Variants in FGGY observed in about 807,000 individuals in gnomAD.
FGGY encodes the protein FGGY carbohydrate kinase domain containing, also known as FGGY carbohydrate kinase domain-containing protein.
Under a neutral mutation model 71.3 loss-of-function variants are expected in FGGY, and 72 were observed. The observed-to-expected ratio is 1.01, with a 90% CI of 0.84 to 1.23. The LOEUF is 1.23. FGGY is among the 50% of genes most tolerant of loss of function. FGGY has a pLI of 0.00. For missense variants in FGGY, 668 were observed against 682.3 expected (o/e 0.98, Z 0.23); for synonymous variants, 251 against 250.3 (o/e 1.00, Z -0.02).
chr1:59,459,720 C>T (rs1317466621), intron 6 of FGGY, among the ~76,000 whole-genome samples: 1 of 152,134 alleles, frequency 6.6e-6, no homozygotes, highest in Non-Finnish European at 1.5e-5. Flanking sequence ...GAGAAAGGAC[C>T]TTAGGAAGAT....
intron 8 of FGGY, among the ~76,000 whole-genome samples, chr1:59,572,042 T>G (rs1472619965): frequency 2.0e-5 from 3 of 152,188 alleles, no homozygotes; most frequent in Non-Finnish European, 4.4e-5. Flanking sequence ...CAGGAAGAGC[T>G]TGAGGGAACT....
At chr1:59,671,795 A>G (rs2097380181) in intron 13 of FGGY, among the ~76,000 whole-genome samples, 1 of 152,192 alleles carries the variant, frequency 6.6e-6, no homozygotes, top group Admixed American at 6.5e-5. Context: ...TGAGGCACGG[A>G]AAGATTAGGT....
intron 8 of FGGY, among the ~76,000 whole-genome samples, chr1:59,602,156 A>C (rs958347826): frequency 6.6e-6 from 1 of 152,240 alleles, no homozygotes; most frequent in Non-Finnish European, 1.5e-5. Flanking sequence ...AATTGATTTT[A>C]TAGCTAAGGA....
intron 9 of FGGY, among the ~76,000 whole-genome samples, chr1:59,618,872 G>A (rs1292940401): frequency 1.3e-5 from 2 of 152,028 alleles, no homozygotes; most frequent in Non-Finnish European, 2.9e-5. Flanking sequence ...TACAGATGTA[G>A]GTGTGTCCCC....
At chr1:59,690,929 A>T (rs2097582348) in intron 14 of FGGY, among the ~76,000 whole-genome samples, 1 of 152,066 alleles carries the variant, frequency 6.6e-6, no homozygotes, top group Non-Finnish European at 1.5e-5. Flanking sequence ...TCAAAGACTG[A>T]CTCCCCAGTC....
intron 7 of FGGY, among the ~76,000 whole-genome samples, chr1:59,533,333 C>G (rs1218289474): frequency 2.6e-5 from 4 of 152,374 alleles, no homozygotes; most frequent in Admixed American, 2.0e-4. Context: ...TATCCCGCAC[C>G]TGGCTCGGAG....
chr1:59,583,686 G>A lies in FGGY; in HGVS notation c.904-24117G>A, dbSNP rs1261477586. On this transcript the variant is annotated intron_variant, in intron 8 of 15. Transcript: ENST00000303721. ...TCACAACATTCACACACCCCTCCTGGGTATTGGTGCCAGGCTAGTGCCCTG... is the reference window on the plus strand; with the variant it reads ...TCACAACATTCACACACCCCTCCTGAGTATTGGTGCCAGGCTAGTGCCCTG... Among the ~76,000 whole-genome samples, 8 of 142,416 alleles carry A rather than the reference G, an allele frequency of 5.6e-5. 2 individuals carry two copies. Among genetic ancestry groups the A allele is most frequent in the Admixed American group, 5.5e-4 (8 of 14,558 alleles). 93.4% of individuals were successfully genotyped at this position (142,416 alleles called of 152,430 possible). A position where few individuals can be genotyped will look rare whatever the true frequency, so the allele number is the denominator to read the frequency against.
chr1:59,744,395 A>G (rs372073893), intron 14 of FGGY, among the ~76,000 whole-genome samples: 50 of 152,076 alleles, frequency 3.3e-4, no homozygotes, highest in African/African-American at 1.2e-3. Flanking sequence ...TAATTTGTGT[A>G]TTTTCAGTAG....
At chr1:59,414,216 G>A (rs576746898) in intron 5 of FGGY, among the ~76,000 whole-genome samples, 1 of 152,274 alleles carries the variant, frequency 6.6e-6, no homozygotes, top group African/African-American at 2.4e-5. Context: ...AGCTTTTGAA[G>A]GCCCAGAAAG....
chr1:59,706,030 AG>A (rs2097755537), intron 14 of FGGY, among the ~76,000 whole-genome samples: 1 of 152,228 alleles, frequency 6.6e-6, no homozygotes, highest in South Asian at 2.1e-4. Context: ...AATTCTCCAC[AG>A]TGGCCGACCC....
intron 14 of FGGY, among the ~76,000 whole-genome samples, chr1:59,720,688 T>C (rs554190361): frequency 1.3e-5 from 2 of 152,332 alleles, no homozygotes; most frequent in Non-Finnish European, 2.9e-5. Flanking sequence ...AAGATTGATT[T>C]TCTTATTGTT....
intron 4 of FGGY, among the ~76,000 whole-genome samples, chr1:59,354,745 G>T (rs2053964596): frequency 6.6e-6 from 1 of 152,118 alleles, no homozygotes; most frequent in African/African-American, 2.4e-5. Context: ...TAGGCTTCTG[G>T]GAACTTAGAG....
chr1:59,617,827 A>G (rs2096771206), intron 9 of FGGY, among the ~76,000 whole-genome samples: 1 of 152,042 alleles, frequency 6.6e-6, no homozygotes, highest in Non-Finnish European at 1.5e-5. Context: ...TTGTGCTTGG[A>G]TTGAGTCACA....
chr1:59,387,492 A>T (rs1482893203), intron 5 of FGGY, among the ~76,000 whole-genome samples: 1 of 152,126 alleles, frequency 6.6e-6, no homozygotes, highest in East Asian at 1.9e-4. Context: ...ACTAATTATG[A>T]CAATTAGTGT....
At chr1:59,307,654 A>G (rs1310044748) in intron 1 of FGGY, among the ~76,000 whole-genome samples, 1 of 152,236 alleles carries the variant, frequency 6.6e-6, no homozygotes, top group East Asian at 1.9e-4. Flanking sequence ...TATTGATGTA[A>G]GATGAGGGTT....
intron 14 of FGGY, among the ~76,000 whole-genome samples, chr1:59,715,126 G>A (rs948714341): frequency 1.3e-5 from 2 of 152,170 alleles, no homozygotes; most frequent in Non-Finnish European, 2.9e-5. Context: ...TGCTGGGTTT[G>A]TTAAGAGTCA....
chr1:59,347,448 A>G (rs2052302753), intron 4 of FGGY, among the ~76,000 whole-genome samples: 1 of 152,020 alleles, frequency 6.6e-6, no homozygotes, highest in African/African-American at 2.4e-5. Flanking sequence ...TTATGGCTGC[A>G]TATTATTCCA....
chr1:59,337,147 G>A (rs1210389175), intron 2 of FGGY, among the ~76,000 whole-genome samples: 2 of 151,300 alleles, frequency 1.3e-5, no homozygotes, highest in African/African-American at 2.4e-5. Flanking sequence ...GTAAGCTAGG[G>A]AATGCCAGTA....
chr1:59,553,388 G>A (rs2095639295), intron 7 of FGGY, among the ~76,000 whole-genome samples: 1 of 152,160 alleles, frequency 6.6e-6, no homozygotes, highest in East Asian at 1.9e-4. Flanking sequence ...AGTCTTTCTA[G>A]CTTTCTTGTC....
Sources: gnomAD v4.1 joint callset for allele counts (sites outside exome capture counted in the v4.1 genomes callset) on GRCh38, gnomAD v4.1.1 for gene constraint, MANE v1.5 for transcripts, NCBI Gene and HGNC (gene_info 2026-07-23, HGNC 2026-07-21) for gene names.